The following CTNNA2 variants were observed in gnomAD, a reference collection of about 807,000 sequenced individuals.
The protein encoded by CTNNA2 is catenin alpha-2.
A neutral mutation model predicts 101.0 loss-of-function variants in CTNNA2; 42 were observed. The observed-to-expected ratio is 0.42, with a 90% CI of 0.32 to 0.54. CTNNA2 has a LOEUF of 0.54. CTNNA2 is among the 20% of genes least tolerant of loss of function. The pLI is 0.14. For missense variants in CTNNA2, 871 were observed against 1,223.1 expected (o/e 0.71, Z 4.29); for synonymous variants, 450 against 456.4 (o/e 0.99, Z 0.18).
At chr2:80,071,834 A>G (rs1698363204) in intron 7 of CTNNA2, among the ~76,000 whole-genome samples, 1 of 152,208 alleles carries the variant, frequency 6.6e-6, no homozygotes, top group African/African-American at 2.4e-5. Context: ...GTGGTACCAC[A>G]TGTAATGTCT....
chr2:80,155,681 G>T (rs577668905), intron 7 of CTNNA2, among the ~76,000 whole-genome samples: 1 of 152,288 alleles, frequency 6.6e-6, no homozygotes, highest in East Asian at 1.9e-4. Context: ...TTGCAACTGT[G>T]TGACACCTTC....
chr2:80,618,232 G>A (rs1166762258), intron 17 of CTNNA2, among the ~76,000 whole-genome samples: 1 of 151,776 alleles, frequency 6.6e-6, no homozygotes, highest in African/African-American at 2.4e-5. Flanking sequence ...AAACATTTTG[G>A]TCAGTTGGCA....
intron 3 of CTNNA2, among the ~76,000 whole-genome samples, chr2:79,766,035 T>G (rs1034074103): frequency 6.6e-6 from 1 of 152,248 alleles, no homozygotes; most frequent in Non-Finnish European, 1.5e-5. Flanking sequence ...TGGTTTAGTC[T>G]TTCTACTTAG....
At chr2:79,780,910 C>A (rs1334725858) in intron 3 of CTNNA2, among the ~76,000 whole-genome samples, 1 of 151,824 alleles carries the variant, frequency 6.6e-6, no homozygotes, top group African/African-American at 2.4e-5. Context: ...CTTATAAAAA[C>A]AAAGTTTAAA....
intron 4 of CTNNA2, among the ~76,000 whole-genome samples, chr2:79,493,204 TAGAA>T (rs995596031): frequency 2.4e-5 from 3 of 123,940 alleles, no homozygotes; most frequent in Non-Finnish European, 3.3e-5. Context: ...AGAAAGTAAG[TAGAA>T]AGAAAAACAG....
At chr2:80,203,874 A>G (rs543230842) in intron 7 of CTNNA2, among the ~76,000 whole-genome samples, 2 of 152,304 alleles carry the variant, frequency 1.3e-5, no homozygotes, top group African/African-American at 2.4e-5. Context: ...GCATCCAGGC[A>G]TTTTCATACA....
intron 2 of CTNNA2, among the ~76,000 whole-genome samples, chr2:79,671,846 T>C (rs1417677694): frequency 6.6e-6 from 1 of 152,232 alleles, no homozygotes; most frequent in African/African-American, 2.4e-5. Flanking sequence ...GCATGTGGAT[T>C]ACCTGTGTCA....
intron 2 of CTNNA2, among the ~76,000 whole-genome samples, chr2:79,286,659 C>T (rs1007693124): frequency 5.9e-5 from 9 of 152,110 alleles, no homozygotes; most frequent in Non-Finnish European, 1.0e-4. Context: ...GAGGGTATCC[C>T]GACCTTTCTC....
intron 7 of CTNNA2, among the ~76,000 whole-genome samples, chr2:80,044,768 C>G (rs1045465007): frequency 2.0e-5 from 3 of 151,770 alleles, no homozygotes; most frequent in African/African-American, 7.3e-5. Flanking sequence ...TTCTTTGGCT[C>G]CAGAAAGACA....
At chr2:79,240,893 C>A (rs1409915448) in intron 2 of CTNNA2, among the ~76,000 whole-genome samples, 2 of 152,090 alleles carry the variant, frequency 1.3e-5, no homozygotes, top group Non-Finnish European at 2.9e-5. Context: ...CTTTATTTCT[C>A]CCCTGGTCAT....
intron 3 of CTNNA2, among the ~76,000 whole-genome samples, chr2:79,746,624 A>C (rs536369667): frequency 6.6e-6 from 1 of 152,202 alleles, no homozygotes; most frequent in African/African-American, 2.4e-5. Flanking sequence ...CTTACCTCCT[A>C]TATATCTGTT....
chr2:80,006,453 T>C (rs933197200), intron 7 of CTNNA2, among the ~76,000 whole-genome samples: 3 of 151,894 alleles, frequency 2.0e-5, no homozygotes, highest in Non-Finnish European at 4.4e-5. Flanking sequence ...AGAGTTGTGC[T>C]TCAAGTCACA....
chr2:79,496,669 T>C (rs900234556), intron 4 of CTNNA2, among the ~76,000 whole-genome samples: 1 of 151,940 alleles, frequency 6.6e-6, no homozygotes, highest in Non-Finnish European at 1.5e-5. Flanking sequence ...TTTTATTTTC[T>C]CTCTTTTTTT....
intron 13 of CTNNA2, among the ~76,000 whole-genome samples, chr2:80,574,710 GTTA>G (rs1371172085): frequency 6.6e-6 from 1 of 152,110 alleles, no homozygotes; most frequent in Non-Finnish European, 1.5e-5. Context: ...AATAGTAACA[GTTA>G]TTATCATGCA....
intron 7 of CTNNA2, among the ~76,000 whole-genome samples, chr2:80,166,509 A>G (rs950802132): frequency 1.3e-5 from 2 of 152,094 alleles, no homozygotes; most frequent in Admixed American, 1.3e-4. Context: ...GCTCCATGCC[A>G]CCTCCTAACT....
At chr2:79,769,021 A>C (rs1200862229) in intron 3 of CTNNA2, among the ~76,000 whole-genome samples, 4 of 151,928 alleles carry the variant, frequency 2.6e-5, no homozygotes, top group South Asian at 4.2e-4. Context: ...CGCCTGGCTA[A>C]TTTTTTTGTA....
At chr2:79,630,105 A>G (rs1679587080) in intron 1 of CTNNA2, among the ~76,000 whole-genome samples, 1 of 152,182 alleles carries the variant, frequency 6.6e-6, no homozygotes, top group African/African-American at 2.4e-5. Flanking sequence ...CCTTGCTCAC[A>G]CTTAACGTAC....
chr2:79,789,538 G>A (rs1408521942), intron 3 of CTNNA2, among the ~76,000 whole-genome samples: 2 of 152,076 alleles, frequency 1.3e-5, no homozygotes, highest in Non-Finnish European at 2.9e-5. Flanking sequence ...TATTGCAGAG[G>A]GAAAAATGCA....
In CTNNA2 at chr2:79,366,762, C is replaced by T. The variant is rs528944025; in HGVS notation, c.-317-7069C>T. On this transcript the variant is annotated intron_variant, in intron 3 of 21. Transcript: ENST00000466387. ...CCATGTACAAAGAAGGACGTTCTGC[C>T]TTGGACTAACATCCATTCCTGTGAG... is the stretch of plus-strand genomic sequence containing the variant. Among the ~76,000 whole-genome samples, 168 of 152,322 alleles carry T rather than the reference C, an allele frequency of 1.1e-3. 1 individual carries two copies. The highest frequency in any genetic ancestry group is 3.8e-3 in the African/African-American group (156 of 41,576).
Sources: gnomAD v4.1 joint callset for allele counts (sites outside exome capture counted in the v4.1 genomes callset) on GRCh38, gnomAD v4.1.1 for gene constraint, MANE v1.5 for transcripts, NCBI Gene and HGNC (gene_info 2026-07-23, HGNC 2026-07-21) for gene names.